The following RUNX3 variants were observed in gnomAD, a reference collection of about 807,000 sequenced individuals.
The protein encoded by RUNX3 is runt-related transcription factor 3.
RUNX3 carries 10 observed loss-of-function variants against 27.7 expected under a neutral mutation model. The ratio of observed to expected loss-of-function variants is 0.36; its 90% CI spans 0.22 to 0.61. RUNX3 has a LOEUF of 0.61. RUNX3 is among the 20% of genes least tolerant of loss of function. RUNX3 has a pLI of 0.72. For missense variants in RUNX3, 469 were observed against 629.5 expected (o/e 0.75, Z 2.73); for synonymous variants, 270 against 269.2 (o/e 1.00, Z -0.03).
At chr1:24,929,507 C>T (rs1433844119) in intron 1 of RUNX3, 80 bp downstream of exon 1, 2 of 1,392,462 alleles carry the variant, frequency 1.4e-6, no homozygotes, top group Non-Finnish European at 2.0e-6. Context: ...ATCCCCACTG[C>T]TCCCGAGGCT....
rs1641740432 is a variant in RUNX3, at chr1:24,950,780, C to T, written c.58+13734G>A. On this transcript the variant is annotated intron_variant, in intron 2 of 6. Coordinates refer to the RUNX3 transcript ENST00000338888. The stretch of plus-strand genomic sequence containing the variant: ...AATACCAGGGCATATCTGCACCATG[C>T]CCGGGCAGTAGGCCTGGGCATGACC... Among the ~76,000 whole-genome samples, 4 of 152,158 alleles carry T rather than the reference C, an allele frequency of 2.6e-5. 1 individual carries two copies. The South Asian group carries it at 8.3e-4, about 32-fold the overall frequency.
rs139360739 is a variant in RUNX3, at chr1:24,946,846, C to T, written c.59-16994G>A. On this transcript the variant is annotated intron_variant, in intron 2 of 6. Coordinates refer to the RUNX3 transcript ENST00000338888. ...GCAGAAAGCCGGGGGCAGTATTCCACCTCCTCCAGAGAAAAGCCTTGTCTA... is the reference window on the plus strand; with the variant it reads ...GCAGAAAGCCGGGGGCAGTATTCCATCTCCTCCAGAGAAAAGCCTTGTCTA... 6.7e-3 allele frequency among the ~76,000 whole-genome samples: 1,022 copies of T among 152,274 alleles called. 11 individuals are homozygous for T. Among genetic ancestry groups the T allele is most frequent in the Middle Eastern group, 0.024 (7 of 294 alleles).
At chr1:24,956,383 C>T (rs1641925646) in intron 2 of RUNX3, among the ~76,000 whole-genome samples, 1 of 152,222 alleles carries the variant, frequency 6.6e-6, no homozygotes, top group African/African-American at 2.4e-5. Flanking sequence ...GCCATCATGG[C>T]GGACCACACA....
chr1:24,945,788 C>A (rs1285993152), intron 2 of RUNX3, among the ~76,000 whole-genome samples: 2 of 152,214 alleles, frequency 1.3e-5, no homozygotes, highest in East Asian at 3.8e-4. Flanking sequence ...CTGCTGAACT[C>A]CTCCTCATAC....
At chr1:24,946,577 C>G (rs1382311369) in intron 2 of RUNX3, among the ~76,000 whole-genome samples, 1 of 152,176 alleles carries the variant, frequency 6.6e-6, no homozygotes, top group Non-Finnish European at 1.5e-5. Context: ...GCCCATTCCC[C>G]CCCTACTCAT....
chr1:24,942,100 T>G (rs1019687319), intron 2 of RUNX3, among the ~76,000 whole-genome samples: 1 of 152,152 alleles, frequency 6.6e-6, no homozygotes, highest in African/African-American at 2.4e-5. Context: ...AGGCCTGGGC[T>G]TGCCCCTGCC....
intron 3 of RUNX3, among the ~76,000 whole-genome samples, chr1:24,912,220 C>T (rs988665774): frequency 6.6e-6 from 1 of 152,204 alleles, no homozygotes; most frequent in Non-Finnish European, 1.5e-5. Context: ...TTCCCCTCTG[C>T]ACAGTCTGCT....
At chr1:24,920,690 G>C (rs2124286414) in intron 2 of RUNX3, among the ~76,000 whole-genome samples, 1 of 152,324 alleles carries the variant, frequency 6.6e-6, no homozygotes, top group South Asian at 2.1e-4. Flanking sequence ...GCACAGGCCT[G>C]CACATTTTGC....
chr1:24,964,690 G>C, intron 1 of RUNX3: 21 of 1,507,480 alleles, frequency 1.4e-5, no homozygotes, highest in Non-Finnish European at 1.7e-5. Context: ...AAAAGGGGGG[G>C]GTGTTGCTTT....
At chr1:24,938,042 C>T (rs1641388869) in intron 2 of RUNX3, among the ~76,000 whole-genome samples, 1 of 152,206 alleles carries the variant, frequency 6.6e-6, no homozygotes, top group African/African-American at 2.4e-5. Context: ...GGATCTGGCA[C>T]CTTGATAAAC....
At chr1:24,915,192 G>A (rs1018802518) in intron 3 of RUNX3, among the ~76,000 whole-genome samples, 3 of 152,240 alleles carry the variant, frequency 2.0e-5, no homozygotes, top group African/African-American at 7.2e-5. Flanking sequence ...GGGAGGCTGA[G>A]GTGGGCGGAT....
In RUNX3 at chr1:24,964,645, T is replaced by A. The variant is rs189286863; in HGVS notation, c.-74A>T. On this transcript the variant is annotated 5_prime_UTR_variant, in exon 2 of 7. Transcript: ENST00000338888. Reference sequence around the variant, plus strand: ...TTGGGATTCACTTGGTTGGCTGTTGTTTTATTTTTTTTTCCTCTAGCTACT... The same window carrying A: ...TTGGGATTCACTTGGTTGGCTGTTGATTTATTTTTTTTTCCTCTAGCTACT... 1.5e-5 allele frequency: 23 copies of A among 1,545,918 alleles called. No homozygotes were observed. The African/African-American group carries it at 2.9e-4, about 19-fold the overall frequency.
At chr1:24,952,433 C>T (rs1226400044) in intron 2 of RUNX3, among the ~76,000 whole-genome samples, 1 of 152,230 alleles carries the variant, frequency 6.6e-6, no homozygotes, top group Non-Finnish European at 1.5e-5. Context: ...ACAAGTCCTG[C>T]AGCAAAACAC....
At position 24,906,073 on chromosome 1, in the gene RUNX3, C is replaced by A. The variant is rs76612454; in HGVS notation, c.703+1186G>T. On this transcript the variant is annotated intron_variant, in intron 4 of 4. Coordinates refer to ENST00000308873, the MANE Select transcript of RUNX3 (RefSeq NM_004350.3). ...AGGGGTCCTCTCTTCACACTGAAGG[C>A]CTGCATCCAGCCCCTGGCTGCAGCA... Among the ~76,000 whole-genome samples the A allele has an allele frequency of 5.2e-3, 785 of 152,324 alleles. 3 individuals are homozygous for A. The highest frequency in any genetic ancestry group is 0.018 in the African/African-American group (744 of 41,568).
At chr1:24,936,256 AC>A (rs1390337468) in intron 2 of RUNX3, among the ~76,000 whole-genome samples, 1 of 152,200 alleles carries the variant, frequency 6.6e-6, no homozygotes, top group Non-Finnish European at 1.5e-5. Flanking sequence ...GGGAGTAGCG[AC>A]AGTTATCACT....
At chr1:24,951,217 A>AT (rs1557858544) in intron 2 of RUNX3, among the ~76,000 whole-genome samples, 2 of 147,748 alleles carry the variant, frequency 1.4e-5, no homozygotes, top group African/African-American at 4.9e-5. Context: ...AAAAAAAAAA[A>AT]AAAAAATAAG....
chr1:24,951,765 G>A (rs1466368533), intron 2 of RUNX3, among the ~76,000 whole-genome samples: 3 of 152,212 alleles, frequency 2.0e-5, no homozygotes, highest in Non-Finnish European at 4.4e-5. Flanking sequence ...GGCTGCCTGG[G>A]TGGGTGACCT....
At chr1:24,929,340 C>T (rs1435830423) in intron 1 of RUNX3, 4 of 690,178 alleles carry the variant, frequency 5.8e-6, no homozygotes, top group Admixed American at 2.0e-5. Context: ...AACGTCTCTA[C>T]GCAAGGCGCC....
At chr1:24,952,871 A>G (rs1248065859) in intron 2 of RUNX3, among the ~76,000 whole-genome samples, 2 of 152,236 alleles carry the variant, frequency 1.3e-5, no homozygotes, top group South Asian at 2.1e-4. Context: ...GTTCTTCTGT[A>G]TGTTGACTGG....
Sources: allele counts gnomAD v4.1 joint callset (sites outside exome capture counted in the v4.1 genomes callset), GRCh38; gene constraint gnomAD v4.1.1; transcripts MANE v1.5; gene names NCBI Gene and HGNC (gene_info 2026-07-23, HGNC 2026-07-21).